Variants in PDE4B observed in about 807,000 individuals in gnomAD.
PDE4B encodes the protein 3',5'-cyclic-AMP phosphodiesterase 4B.
In PDE4B, 20 loss-of-function variants were observed where a neutral mutation model predicts 82.2. That is an observed-to-expected ratio of 0.24 (90% CI 0.17 to 0.35). The LOEUF is 0.35. PDE4B is among the 10% of genes least tolerant of loss of function. PDE4B has a pLI of 1.00. For synonymous variants in PDE4B, 320 were observed against 318.9 expected (o/e 1.00, Z -0.04); for missense variants, 655 against 907.2 (o/e 0.72, Z 3.57).
intron 1 of PDE4B, among the ~76,000 whole-genome samples, chr1:65,866,107 T>G (rs1283857501): frequency 6.6e-6 from 1 of 152,252 alleles, no homozygotes; most frequent in Non-Finnish European, 1.5e-5. Flanking sequence ...CTCTTTCATT[T>G]GATTAGTTCC....
At chr1:65,890,709 C>T (rs1274930261) in intron 1 of PDE4B, among the ~76,000 whole-genome samples, 1 of 151,798 alleles carries the variant, frequency 6.6e-6, no homozygotes, top group Admixed American at 6.6e-5. Context: ...GGAGAGCAGA[C>T]AAGCAAAAGA....
At chr1:65,874,687 C>A (rs1334861292) in intron 1 of PDE4B, among the ~76,000 whole-genome samples, 5 of 151,568 alleles carry the variant, frequency 3.3e-5, no homozygotes, top group African/African-American at 7.3e-5. Context: ...GAAAAACAAG[C>A]AATGGGGAAA....
In PDE4B at chr1:65,818,685, C is replaced by CATATATATATATATATATATATAT. The variant is rs58193032; in HGVS notation, c.-71+25456_-71+25457insTATATATATATATATATATATATA. Among the ~76,000 whole-genome samples, 18 of 143,764 alleles carry CATATATATATATATATATATATAT rather than the reference C, an allele frequency of 1.3e-4. No homozygotes were observed. The East Asian group carries it at 2.3e-3, about 18-fold the overall frequency. The allele number at this position is 143,764 out of a possible 152,430, so 94.3% of individuals were successfully genotyped here. A position where few individuals can be genotyped will look rare whatever the true frequency, so the allele number is the denominator to read the frequency against. ...ATACATATATATTCACACACACACA[C>CATATATATATATATATATATATAT]ATATATATATATATATATAAAATAA... is the stretch of plus-strand genomic sequence containing the variant. On this transcript the variant is annotated intron_variant, in intron 1 of 16. Transcript: ENST00000341517.
chr1:65,929,114 T>G (rs564889071), intron 3 of PDE4B, among the ~76,000 whole-genome samples: 3 of 152,250 alleles, frequency 2.0e-5, no homozygotes, highest in South Asian at 4.2e-4. Flanking sequence ...CGCCGGGACT[T>G]TAGTCTAGTT....
intron 3 of PDE4B, among the ~76,000 whole-genome samples, chr1:66,120,410 TA>T (rs1645686134): frequency 6.6e-6 from 1 of 152,140 alleles, no homozygotes; most frequent in African/African-American, 2.4e-5. Flanking sequence ...TGTCAAGAAT[TA>T]GAGGAAAGAC....
chr1:66,238,093 G>A (rs554788929), intron 3 of PDE4B, among the ~76,000 whole-genome samples: 56 of 152,012 alleles, frequency 3.7e-4, no homozygotes, highest in Non-Finnish European at 7.4e-4. Flanking sequence ...TGAGAAGAAG[G>A]CAGCCATCCA....
At chr1:66,102,505 GA>G (rs751774719) in intron 3 of PDE4B, among the ~76,000 whole-genome samples, 1 of 152,052 alleles carries the variant, frequency 6.6e-6, no homozygotes, top group African/African-American at 2.4e-5. Context: ...TGATGTTTTG[GA>G]AAGTTGCCAT....
chr1:66,002,865 A>G (rs1281738434), intron 3 of PDE4B, among the ~76,000 whole-genome samples: 1 of 152,096 alleles, frequency 6.6e-6, no homozygotes, highest in African/African-American at 2.4e-5. Flanking sequence ...ATATTTGCAA[A>G]TGTTAATTTA....
At chr1:66,019,381 A>C (rs1026281635) in intron 3 of PDE4B, among the ~76,000 whole-genome samples, 6 of 112,674 alleles carry the variant, frequency 5.3e-5, no homozygotes, top group Non-Finnish European at 8.7e-5. Flanking sequence ...TTTGAGATGG[A>C]GTCTTGCTCT....
At chr1:66,371,133 T>TATATATAA (rs1223854748) in intron 16 of PDE4B, among the ~76,000 whole-genome samples, 1 of 127,106 alleles carries the variant, frequency 7.9e-6, no homozygotes, top group Non-Finnish European at 1.6e-5. Context: ...TATATATATA[T>TATATATAA]AATTTTATTT....
At chr1:66,239,389 T>G (rs902197223) in intron 3 of PDE4B, among the ~76,000 whole-genome samples, 4 of 152,214 alleles carry the variant, frequency 2.6e-5, no homozygotes, top group Admixed American at 2.6e-4. Context: ...GAACTTTTCC[T>G]TTCCTTAGAA....
At chr1:65,837,268 A>G (rs1383281243) in intron 1 of PDE4B, among the ~76,000 whole-genome samples, 1 of 152,168 alleles carries the variant, frequency 6.6e-6, no homozygotes, top group Non-Finnish European at 1.5e-5. Flanking sequence ...CTGAAACAGT[A>G]TTTCTCAAGT....
intron 7 of PDE4B, among the ~76,000 whole-genome samples, chr1:66,269,831 C>T (rs1455273508): frequency 6.6e-6 from 1 of 152,174 alleles, no homozygotes; most frequent in East Asian, 1.9e-4. Flanking sequence ...GGAGAAGCAT[C>T]CTTTTAATGG....
At chr1:65,891,031 C>A (rs188174951) in intron 1 of PDE4B, among the ~76,000 whole-genome samples, 15 of 152,018 alleles carry the variant, frequency 9.9e-5, no homozygotes, top group Admixed American at 9.2e-4. Flanking sequence ...ATGGGAATGA[C>A]TATAATAGTA....
chr1:65,958,513 T>A (rs1649371685), intron 3 of PDE4B, among the ~76,000 whole-genome samples: 1 of 152,100 alleles, frequency 6.6e-6, no homozygotes, highest in Non-Finnish European at 1.5e-5. Context: ...CCTCTTTTTA[T>A]CTTTTGGGGA....
chr1:66,100,556 T>C (rs536968025), intron 3 of PDE4B, among the ~76,000 whole-genome samples: 2 of 152,262 alleles, frequency 1.3e-5, no homozygotes, highest in South Asian at 2.1e-4. Context: ...TAGATATGTT[T>C]AAGTTTAGCC....
rs369618468 is a variant in PDE4B at position 65,986,307 on chromosome 1, G to T, written c.281+67472G>T. Among the ~76,000 whole-genome samples, 17 of 152,176 alleles carry T rather than the reference G, an allele frequency of 1.1e-4. No individual in the cohort carries two copies. In the East Asian group the frequency reaches 1.5e-3, roughly 14 times the overall value. ...ACCATAACATATCACAAAACATTCT[G>T]AGGGAGACAGCCAATGCTGGTGGAG... On this transcript the variant is annotated intron_variant, in intron 3 of 16. Transcript: ENST00000341517.
intron 3 of PDE4B, among the ~76,000 whole-genome samples, chr1:66,126,838 C>G (rs1206227096): frequency 6.6e-6 from 1 of 152,154 alleles, no homozygotes; most frequent in East Asian, 1.9e-4. Flanking sequence ...CAGATTCCAC[C>G]TTAACAAGGT....
intron 8 of PDE4B, among the ~76,000 whole-genome samples, chr1:66,352,709 G>T (rs1414249917): frequency 9.9e-6 from 1 of 101,090 alleles, no homozygotes; most frequent in Non-Finnish European, 2.3e-5. Flanking sequence ...GTTTTTGTTT[G>T]TTCCTTTGTT....
Sources: gnomAD v4.1 joint callset for allele counts (sites outside exome capture counted in the v4.1 genomes callset) on GRCh38, gnomAD v4.1.1 for gene constraint, MANE v1.5 for transcripts, NCBI Gene and HGNC (gene_info 2026-07-23, HGNC 2026-07-21) for gene names.